Variants in VAV3 observed in about 807,000 individuals in gnomAD.
The protein encoded by VAV3 is vav guanine nucleotide exchange factor 3.
VAV3 carries 94 observed loss-of-function variants against 131.2 expected under a neutral mutation model. The ratio of observed to expected loss-of-function variants is 0.72; its 90% CI spans 0.61 to 0.85. VAV3 has a LOEUF of 0.85. VAV3 is among the 40% of genes least tolerant of loss of function. The probability of loss-of-function intolerance (pLI) is 0.00; values close to 1 mark genes in which losing one functional copy is unlikely to be tolerated. For missense variants in VAV3, 939 were observed against 1,002.7 expected (o/e 0.94, Z 0.86); for synonymous variants, 349 against 342.0 (o/e 1.02, Z -0.22).
intron 22 of VAV3, among the ~76,000 whole-genome samples, chr1:107,606,524 T>TC (rs1479498966): frequency 6.6e-6 from 1 of 152,158 alleles, no homozygotes; most frequent in Non-Finnish European, 1.5e-5. Context: ...CCCTTGGTTT[T>TC]CTCTTTCTGG....
rs562339534 is a variant in VAV3, at chr1:107,662,248, C to T, written c.1778-19493G>A. Reference sequence around the variant, plus strand: ...ACAAATGTACCTAGTCCCCTTCCTCCGAGTGATTAAAATTGCATTTTAAAA... The same window carrying T: ...ACAAATGTACCTAGTCCCCTTCCTCTGAGTGATTAAAATTGCATTTTAAAA... On this transcript the variant is annotated intron_variant, in intron 19 of 26. Transcript: ENST00000370056. 1.9e-3 allele frequency among the ~76,000 whole-genome samples: 283 copies of T among 152,098 alleles called. 1 individual carries two copies. The highest frequency in any genetic ancestry group is 6.4e-3 in the African/African-American group (264 of 41,500).
chr1:107,664,076 T>C (rs991395923), intron 19 of VAV3, among the ~76,000 whole-genome samples: 1 of 152,162 alleles, frequency 6.6e-6, no homozygotes, highest in Admixed American at 6.5e-5. Context: ...ACCATTTTCT[T>C]TTTTTCTTCT....
At position 107,704,649 on chromosome 1, in the gene VAV3, C is replaced by T; in HGVS notation, c.1606G>A (p.Gly536Arg). 6.2e-7 allele frequency: 1 copy of T among 1,610,180 alleles called. No homozygotes were observed. The highest frequency in any genetic ancestry group is 8.5e-7 in the Non-Finnish European group (1 of 1,177,340). The change falls in exon 17 of 27, where the codon GGA becomes AGA. Residue 536 changes from glycine (G) to arginine (R), a missense_variant and splice_region_variant. Transcript: ENST00000370056. ...SCKVCQMLLR[G>R]TFYQGYLCFK... ...CATAAATAGCCTTGATAAAATGTTC[C>T]CCTGAAAGGTGAAATAAGAAAGTGG...
chr1:107,620,929 G>C (rs1016504543), intron 20 of VAV3, among the ~76,000 whole-genome samples: 5 of 152,196 alleles, frequency 3.3e-5, no homozygotes, highest in Admixed American at 1.3e-4. Context: ...GACCGTGGTT[G>C]TATAAGAAAT....
In VAV3 at chr1:107,777,305, A is replaced by G. The variant is rs2102215082; in HGVS notation, c.381-9T>C. On this transcript the variant is annotated splice_polypyrimidine_tract_variant and intron_variant, in intron 3 of 26. Coordinates refer to ENST00000370056, the MANE Select transcript of VAV3 (RefSeq NM_006113.5). ...CTTCTGTTGGGAAGGGCCTAGGAAG[A>G]GGAGAAAAAACAAAAACAAAAAAAC... 6.2e-7 allele frequency: 1 copy of G among 1,613,442 alleles called. No homozygotes were observed. The highest frequency in any genetic ancestry group is 2.2e-5 in the East Asian group (1 of 44,878).
At chr1:107,881,926 G>A (rs537652423) in intron 1 of VAV3, among the ~76,000 whole-genome samples, 2 of 152,220 alleles carry the variant, frequency 1.3e-5, no homozygotes, top group South Asian at 2.1e-4. Flanking sequence ...ACTCTGAATC[G>A]CTCCTTTTCC....
rs572086067 is a variant in VAV3 at position 107,598,420 on chromosome 1, T to C, written c.2221-2079A>G. Among the ~76,000 whole-genome samples, 148 of 152,180 alleles carry C rather than the reference T, an allele frequency of 9.7e-4. 1 individual carries two copies. Among genetic ancestry groups the C allele is most frequent in the African/African-American group, 3.5e-3 (144 of 41,532 alleles). On this transcript the variant is annotated intron_variant, in intron 24 of 26. Coordinates refer to ENST00000370056, the MANE Select transcript of VAV3 (RefSeq NM_006113.5). ...AAAAAACAGGGAGGCAAAAGTGAAA[T>C]AGTTTTTGCTATGTGTTCATGATGT...
intron 15 of VAV3, among the ~76,000 whole-genome samples, chr1:107,729,368 G>T (rs1662078462): frequency 6.6e-6 from 1 of 152,138 alleles, no homozygotes. Flanking sequence ...TGAGAGAATT[G>T]TGTTTCTGGT....
At position 107,770,704 on chromosome 1, in the gene VAV3, T is replaced by C. The variant is rs777628963; in HGVS notation, c.580A>G (p.Ser194Gly). Residue 194 changes from serine (S) to glycine (G), a missense_variant, in exon 6 of 27, where the codon AGT (serine) becomes GGT (glycine). Physicochemically the swap from Ser to Gly is moderately conservative, Grantham distance 56. Coordinates refer to ENST00000370056, the MANE Select transcript of VAV3 (RefSeq NM_006113.5). ...QPKCPENDIR[S>G]CCLAEIKQTE... Reference sequence around the variant, plus strand: ...TGCTTAATTTCTGCTAGACAACAACTTCGTATATCATTTTCTGGACATTTC... The same window carrying C: ...TGCTTAATTTCTGCTAGACAACAACCTCGTATATCATTTTCTGGACATTTC... The C allele has an allele frequency of 1.9e-6, 3 of 1,611,650 alleles. No individual in the cohort carries two copies. In the African/African-American group the frequency reaches 4.0e-5, roughly 22 times the overall value.
At chr1:107,636,587 C>T (rs1654946950) in intron 20 of VAV3, among the ~76,000 whole-genome samples, 1 of 152,042 alleles carries the variant, frequency 6.6e-6, no homozygotes, top group South Asian at 2.1e-4. Flanking sequence ...CAAAATAATA[C>T]AACACAAAGT....
At chr1:107,598,305 G>A (rs1158150792) in intron 24 of VAV3, among the ~76,000 whole-genome samples, 4 of 152,118 alleles carry the variant, frequency 2.6e-5, no homozygotes, top group South Asian at 4.1e-4. Context: ...GCAGTGAGCC[G>A]AGACTTTGCC....
chr1:107,645,024 C>T (rs75204344), intron 19 of VAV3, among the ~76,000 whole-genome samples: 1 of 150,168 alleles, frequency 6.7e-6, no homozygotes, highest in East Asian at 2.0e-4. Flanking sequence ...TTTCTAGTCC[C>T]ACTTATTCCT....
chr1:107,786,783 G>A (rs984232077), intron 2 of VAV3, among the ~76,000 whole-genome samples: 1 of 152,210 alleles, frequency 6.6e-6, no homozygotes, highest in Non-Finnish European at 1.5e-5. Context: ...AAAAATCTGT[G>A]TAACTAGGGT....
chr1:107,737,036 T>A (rs191585046), intron 15 of VAV3, among the ~76,000 whole-genome samples: 13 of 152,222 alleles, frequency 8.5e-5, no homozygotes, highest in Non-Finnish European at 1.3e-4. Context: ...AATAGAGGCC[T>A]CAGAAATAAC....
At chr1:107,811,416 GGAAAAGCCTCACATA>G (rs1667312044) in intron 2 of VAV3, among the ~76,000 whole-genome samples, 2 of 152,154 alleles carry the variant, frequency 1.3e-5, no homozygotes, top group South Asian at 4.1e-4. Flanking sequence ...ATGACGCTCT[GGAAAAGCCTCACATA>G]GAAAAGCAAA....
intron 19 of VAV3, among the ~76,000 whole-genome samples, chr1:107,643,028 T>C (rs1173995984): frequency 1.3e-5 from 2 of 152,144 alleles, no homozygotes; most frequent in African/African-American, 4.8e-5. Context: ...TATTTCTCCT[T>C]CAGCTGATGC....
At chr1:107,713,911 T>C (rs763317211) in intron 15 of VAV3, among the ~76,000 whole-genome samples, 44 of 152,152 alleles carry the variant, frequency 2.9e-4, no homozygotes, top group Non-Finnish European at 4.9e-4. Flanking sequence ...TAGTCAAATA[T>C]CTTTTGAATT....
chr1:107,716,906 C>A (rs1411682560), intron 15 of VAV3, among the ~76,000 whole-genome samples: 2 of 152,176 alleles, frequency 1.3e-5, no homozygotes, highest in Non-Finnish European at 2.9e-5. Flanking sequence ...ATTATTGCCT[C>A]AATTTCACAG....
At chr1:107,781,031 T>A (rs1557842946) in intron 2 of VAV3, among the ~76,000 whole-genome samples, 1 of 152,280 alleles carries the variant, frequency 6.6e-6, no homozygotes, top group East Asian at 1.9e-4. Flanking sequence ...AGAAGGTTCA[T>A]GAGAGTACCA....
Sources: gnomAD v4.1 joint callset for allele counts (sites outside exome capture counted in the v4.1 genomes callset) on GRCh38, gnomAD v4.1.1 for gene constraint, MANE v1.5 for transcripts, NCBI Gene and HGNC (gene_info 2026-07-23, HGNC 2026-07-21) for gene names.